The following FSD2 variants were observed in gnomAD, a reference collection of about 807,000 sequenced individuals.
The protein encoded by FSD2 is fibronectin type III and SPRY domain-containing protein 2.
In FSD2, 71 loss-of-function variants were observed where a neutral mutation model predicts 80.4. That is an observed-to-expected ratio of 0.88 (90% confidence interval 0.73 to 1.08). The LOEUF is 1.08. Ranked by LOEUF, FSD2 falls within the 50% of genes least tolerant of loss-of-function variation. The probability of loss-of-function intolerance (pLI) is 0.00; values close to 1 mark genes in which losing one functional copy is unlikely to be tolerated. For synonymous variants in FSD2, 361 were observed against 329.5 expected, an observed-to-expected ratio of 1.10 and a Z score of -1.03; for missense variants, 923 against 913.8, an observed-to-expected ratio of 1.01 and a Z score of -0.13.
At chr15:82,784,002 G>A (rs2049936536) in intron 3 of FSD2, among the ~76,000 whole-genome samples, 1 of 152,112 alleles carries the variant, frequency 6.6e-6, no homozygotes, top group South Asian at 2.1e-4. Flanking sequence ...AAGCTCTGAT[G>A]GATGTCATCC....
At chr15:82,781,296 G>A (rs2151511820) in intron 4 of FSD2, among the ~76,000 whole-genome samples, 1 of 152,320 alleles carries the variant, frequency 6.6e-6, no homozygotes, top group African/African-American at 2.4e-5. Flanking sequence ...GGGCCCACTA[G>A]TTCAAGAGGT....
chr15:82,792,556 A>T (rs538479964), intron 1 of FSD2, among the ~76,000 whole-genome samples: 1 of 152,114 alleles, frequency 6.6e-6, no homozygotes, highest in Non-Finnish European at 1.5e-5. Flanking sequence ...TTTTTCTTCT[A>T]TTCTGTGAGG....
At chr15:82,759,624 A>G in intron 12 of FSD2, 24 bp from the exon 13 acceptor site, 1 of 1,512,964 alleles carries the variant, frequency 6.6e-7, no homozygotes, top group Non-Finnish European at 8.9e-7. Context: ...TTGACATAAT[A>G]AAGTTTCAGT....
At position 82,793,932 on chromosome 15, in the gene FSD2, A is replaced by G. The variant is rs556210913; in HGVS notation, c.-78-6464T>C. Among the ~76,000 whole-genome samples the G allele has an allele frequency of 9.5e-4, 144 of 151,900 alleles. 1 individual carries two copies. The highest frequency in any genetic ancestry group is 3.3e-3 in the African/African-American group (136 of 41,432). On this transcript the variant is annotated intron_variant, in intron 1 of 12. Coordinates refer to ENST00000334574, the MANE Select transcript of FSD2 (RefSeq NM_001007122.4). ...TAGAGGTTTGTCAATTTTGCTGATT[A>G]CTTCAAATAATCTGCTTTTGGTTTC... is the stretch of plus-strand genomic sequence containing the variant.
At chr15:82,782,759 A>G (rs2049898388) in intron 4 of FSD2, 36 bp downstream of exon 4, 1 of 1,492,278 alleles carries the variant, frequency 6.7e-7, no homozygotes, top group Non-Finnish European at 9.3e-7. Flanking sequence ...ATCTCTTTCC[A>G]TTATGTTCAT....
At chr15:82,776,424 T>C (rs2049714745) in intron 6 of FSD2, among the ~76,000 whole-genome samples, 1 of 152,238 alleles carries the variant, frequency 6.6e-6, no homozygotes, top group Non-Finnish European at 1.5e-5. Context: ...ATGTGTATTC[T>C]GCTGTTGCTG....
chr15:82,787,510 G>T, intron 1 of FSD2, 42 bp from the exon 2 acceptor site: 1 of 933,480 alleles, frequency 1.1e-6, no homozygotes, highest in Non-Finnish European at 1.6e-6. Context: ...CTGGAGAAGG[G>T]CATTGCAGTA....
rs1285477296 is a variant in FSD2, at chr15:82,778,152, AT to A, written c.1111+613del. 9.3e-5 allele frequency among the ~76,000 whole-genome samples: 13 copies of A among 139,462 alleles called. 1 individual carries two copies. Among genetic ancestry groups the A allele is most frequent in the African/African-American group, 3.6e-4 (13 of 35,750 alleles). 91.5% of individuals were successfully genotyped at this position (139,462 alleles called of 152,430 possible). The stretch of plus-strand genomic sequence containing the variant: ...CATATATATATATATATATATATAT[AT>A]ATATAATAACTATTACATGATCTAG... On this transcript the variant is annotated intron_variant, in intron 6 of 12. Coordinates refer to ENST00000334574, the MANE Select transcript of FSD2 (RefSeq NM_001007122.4).
intron 1 of FSD2, among the ~76,000 whole-genome samples, chr15:82,790,577 T>C (rs1168663969): frequency 2.0e-5 from 3 of 151,508 alleles, no homozygotes; most frequent in South Asian, 2.1e-4. Flanking sequence ...TTCGTGCGTG[T>C]GTGTGTGTGT....
intron 7 of FSD2, among the ~76,000 whole-genome samples, chr15:82,770,883 C>T (rs2049551485): frequency 6.6e-6 from 1 of 152,072 alleles, no homozygotes; most frequent in Non-Finnish European, 1.5e-5. Flanking sequence ...TTATAGATTG[C>T]CATGACACAG....
At chr15:82,771,479 C>T (rs1274677765) in intron 7 of FSD2, among the ~76,000 whole-genome samples, 2 of 152,218 alleles carry the variant, frequency 1.3e-5, no homozygotes, top group Non-Finnish European at 2.9e-5. Flanking sequence ...GGGGGCCCTA[C>T]CCCAGCTGTA....
chr15:82,790,607 A>G (rs546111642), intron 1 of FSD2, among the ~76,000 whole-genome samples: 5 of 147,688 alleles, frequency 3.4e-5, no homozygotes, highest in South Asian at 2.1e-4. Context: ...ACAGAGTCTC[A>G]CTCTGTCGCC....
At chr15:82,775,831 G>T (rs1312280005) in intron 6 of FSD2, among the ~76,000 whole-genome samples, 11 of 152,104 alleles carry the variant, frequency 7.2e-5, no homozygotes, top group Admixed American at 6.5e-4. Flanking sequence ...TTGGTATGTT[G>T]TGTTTCATTT....
At chr15:82,765,800 G>C (rs1028762387) in intron 10 of FSD2, 98 bp downstream of exon 10, 19 of 1,429,972 alleles carry the variant, frequency 1.3e-5, no homozygotes, top group Non-Finnish European at 2.8e-6. Flanking sequence ...CCACATCTGT[G>C]CATATTCATC....
intron 1 of FSD2, among the ~76,000 whole-genome samples, chr15:82,793,626 GA>G (rs1165543399): frequency 2.0e-5 from 3 of 152,096 alleles, no homozygotes; most frequent in Admixed American, 2.0e-4. Flanking sequence ...ATGGGGCCCT[GA>G]ATTCACTTTG....
intron 3 of FSD2, among the ~76,000 whole-genome samples, chr15:82,783,316 C>G (rs1567311877): frequency 6.6e-6 from 1 of 152,154 alleles, no homozygotes; most frequent in Non-Finnish European, 1.5e-5. Flanking sequence ...CCAGGTTGGT[C>G]TTGAACTCCT....
chr15:82,769,396 GC>G (rs1338954487), intron 8 of FSD2, among the ~76,000 whole-genome samples: 5 of 148,398 alleles, frequency 3.4e-5, no homozygotes, highest in Non-Finnish European at 7.5e-5. Context: ...ATGGCGAAAT[GC>G]CATCTCTTCT....
chr15:82,777,942 A>T (rs2049752235), intron 6 of FSD2, among the ~76,000 whole-genome samples: 1 of 151,196 alleles, frequency 6.6e-6, no homozygotes, highest in Admixed American at 6.6e-5. Flanking sequence ...AAAATCATGC[A>T]GCCACCATGG....
rs182674064 is a variant in FSD2 at position 82,772,084 on chromosome 15, G to A, written c.1256C>T (p.Thr419Met). The A allele has an allele frequency of 7.2e-5, 114 of 1,576,244 alleles. No homozygotes were observed. Among genetic ancestry groups the A allele is most frequent in the Admixed American group, 6.5e-4 (34 of 52,188 alleles). ...YRPVQDSSPG[T>M]DQAEFTVTVK... is the part of the protein sequence containing the mutation. ...TGGCAGAGCCTCACCTGCTTGGTCC[G>A]TCCCAGGTGAGCTGTCCTGCACTGG... is the stretch of plus-strand genomic sequence containing the variant. Residue 419 changes from threonine to methionine, a missense_variant, in exon 7 of 13, where the codon ACG (threonine) becomes ATG (methionine). Transcript: ENST00000334574.
Sources: allele counts gnomAD v4.1 joint callset (sites outside exome capture counted in the v4.1 genomes callset), GRCh38; gene constraint gnomAD v4.1.1; transcripts MANE v1.5; gene names NCBI Gene and HGNC (gene_info 2026-07-23, HGNC 2026-07-21).